ROS1: variants seen among roughly 807,000 people sequenced by gnomAD.
The protein encoded by ROS1 is ROS proto-oncogene 1, receptor tyrosine kinase.
ROS1 carries 263 observed loss-of-function variants against 273.5 expected under a neutral mutation model. That is an observed-to-expected ratio of 0.96 (90% CI 0.87 to 1.06). ROS1 has a LOEUF of 1.06. Ranked by LOEUF, ROS1 falls within the 50% of genes least tolerant of loss-of-function variation. The pLI, the probability that ROS1 is intolerant of heterozygous loss-of-function variation, is 0.00. For synonymous variants in ROS1, 1,008 were observed against 954.1 expected (o/e 1.06, Z -1.04); for missense variants, 2,833 against 2,751.1 (o/e 1.03, Z -0.67).
intron 1 of ROS1, among the ~76,000 whole-genome samples, chr6:117,424,667 G>C (rs778911857): frequency 6.6e-6 from 1 of 152,046 alleles, no homozygotes; most frequent in Non-Finnish European, 1.5e-5. Context: ...GTAAACCTAA[G>C]TAGTGTTTTA....
intron 43 of ROS1, among the ~76,000 whole-genome samples, chr6:117,290,673 T>G (rs1773770218): frequency 1.3e-5 from 2 of 152,280 alleles, no homozygotes; most frequent in South Asian, 2.1e-4. Context: ...GAGGTGATGT[T>G]TACACAAATG....
chr6:117,412,776 A>G (rs1410243945), intron 4 of ROS1, among the ~76,000 whole-genome samples: 2 of 152,220 alleles, frequency 1.3e-5, no homozygotes, highest in Non-Finnish European at 2.9e-5. Flanking sequence ...ATAATCACAG[A>G]AAACTGAGCA....
At chr6:117,415,738 T>C (rs1176636594) in intron 3 of ROS1, among the ~76,000 whole-genome samples, 2 of 152,200 alleles carry the variant, frequency 1.3e-5, no homozygotes, top group African/African-American at 4.8e-5. Flanking sequence ...GGCCCTGAGT[T>C]AGACACCTAC....
intron 18 of ROS1, among the ~76,000 whole-genome samples, chr6:117,374,615 GATAA>G (rs974726438): frequency 6.6e-6 from 1 of 152,082 alleles, no homozygotes; most frequent in African/African-American, 2.4e-5. Flanking sequence ...CAAAAACAAA[GATAA>G]ATAGATGGAA....
intron 27 of ROS1, among the ~76,000 whole-genome samples, chr6:117,346,539 T>C (rs1221395471): frequency 6.6e-6 from 1 of 152,028 alleles, no homozygotes; most frequent in Non-Finnish European, 1.5e-5. Flanking sequence ...TATGTGTGTG[T>C]GTCGTTCAAC....
chr6:117,319,501 C>G (rs1776135271), intron 37 of ROS1, among the ~76,000 whole-genome samples: 1 of 152,072 alleles, frequency 6.6e-6, no homozygotes, highest in South Asian at 2.1e-4. Context: ...GGTCAGCAAG[C>G]CTAAAATACT....
chr6:117,341,352 C>T, intron 30 of ROS1, 41 bp from the exon 31 acceptor site: 4 of 1,612,168 alleles, frequency 2.5e-6, no homozygotes, highest in Non-Finnish European at 2.5e-6. Context: ...TTTTGAGAGC[C>T]TTGCACTTGA....
At chr6:117,387,510 G>A (rs1168325197) in intron 14 of ROS1, among the ~76,000 whole-genome samples, 1 of 152,136 alleles carries the variant, frequency 6.6e-6, no homozygotes, top group African/African-American at 2.4e-5. Context: ...AACCCGTAAA[G>A]AATCAATTAT....
chr6:117,352,972 C>T lies in ROS1; in HGVS notation c.4303+18G>A, dbSNP rs776955100. 1.2e-5 allele frequency: 19 copies of T among 1,607,882 alleles called. No individual in the cohort carries two copies. The highest frequency in any genetic ancestry group is 1.7e-5 in the Admixed American group (1 of 58,966). On this transcript the variant is annotated intron_variant, in intron 27 of 43. Coordinates refer to ENST00000368507, the MANE Select transcript of ROS1 (RefSeq NM_001378902.1). ...CTAAATTGGGAGAACAAGCTGATTA[C>T]GAATGTGACTTTATTACCTGGAAAA... is the stretch of plus-strand genomic sequence containing the variant.
At chr6:117,395,465 T>C (rs2128714473) in intron 9 of ROS1, among the ~76,000 whole-genome samples, 1 of 152,172 alleles carries the variant, frequency 6.6e-6, no homozygotes, top group South Asian at 2.1e-4. Flanking sequence ...ATGTACAGAT[T>C]AGAGTAAGGG....
chr6:117,408,460 A>G (rs1774611781), intron 5 of ROS1, among the ~76,000 whole-genome samples: 1 of 152,248 alleles, frequency 6.6e-6, no homozygotes, highest in Non-Finnish European at 1.5e-5. Context: ...AACACATGAA[A>G]AAATGCTCAT....
At position 117,418,568 on chromosome 6, in the gene ROS1, C is replaced by T; in HGVS notation, c.124-62G>A. On this transcript the variant is annotated intron_variant, in intron 1 of 43. Transcript: ENST00000368507. ...AGTACTGGGTTCCGTGTAACTAACA[C>T]ACCTTTTAAAAAAGCTTCCTGAAAT... is the stretch of plus-strand genomic sequence containing the variant. The T allele has an allele frequency of 2.4e-6, 3 of 1,257,782 alleles. No homozygotes were observed. In the South Asian group the frequency reaches 4.5e-5, roughly 19 times the overall value. 77.9% of individuals were successfully genotyped at this position (1,257,782 alleles called of 1,614,324 possible).
chr6:117,393,454 C>CA (rs943055277), intron 11 of ROS1, 133 bp from the exon 12 acceptor site: 86 of 606,356 alleles, frequency 1.4e-4, no homozygotes, highest in African/African-American at 5.8e-4. Flanking sequence ...GACAAATGAG[C>CA]AAAAAAAAGC....
At chr6:117,302,425 C>G (rs915637974) in intron 42 of ROS1, among the ~76,000 whole-genome samples, 14 of 152,154 alleles carry the variant, frequency 9.2e-5, no homozygotes, top group Non-Finnish European at 1.8e-4. Context: ...CTTTGATAGT[C>G]TCAGTGGCTA....
intron 17 of ROS1, among the ~76,000 whole-genome samples, chr6:117,381,575 C>CT (rs1056165710): frequency 2.2e-4 from 33 of 151,876 alleles, no homozygotes; most frequent in Non-Finnish European, 3.8e-4. Context: ...TTATTTCCTC[C>CT]TTTTTTTTAT....
chr6:117,344,942 G>C (rs187608516), intron 27 of ROS1, among the ~76,000 whole-genome samples: 1 of 152,298 alleles, frequency 6.6e-6, no homozygotes, highest in Admixed American at 6.5e-5. Flanking sequence ...TCGCAGATCT[G>C]TCACTTGCAG....
At chr6:117,405,072 T>G (rs1010412970) in intron 5 of ROS1, among the ~76,000 whole-genome samples, 11 of 152,328 alleles carry the variant, frequency 7.2e-5, no homozygotes, top group Admixed American at 5.2e-4. Context: ...TGAAATGATT[T>G]TACTCTACTT....
At chr6:117,376,299 G>A (rs745328549) in intron 18 of ROS1, among the ~76,000 whole-genome samples, 36 of 151,988 alleles carry the variant, frequency 2.4e-4, no homozygotes, top group Non-Finnish European at 4.4e-4. Flanking sequence ...TTACCAAACT[G>A]GCTCAAGAAG....
At chr6:117,347,225 C>A (rs980173238) in intron 27 of ROS1, among the ~76,000 whole-genome samples, 1 of 152,030 alleles carries the variant, frequency 6.6e-6, no homozygotes, top group Admixed American at 6.6e-5. Flanking sequence ...TTATTTAGCA[C>A]TTTGATTTCT....
Sources: gnomAD v4.1 joint callset for allele counts (sites outside exome capture counted in the v4.1 genomes callset) on GRCh38, gnomAD v4.1.1 for gene constraint, MANE v1.5 for transcripts, NCBI Gene and HGNC (gene_info 2026-07-23, HGNC 2026-07-21) for gene names.